ZSCAN5A: variants seen among roughly 807,000 people sequenced by gnomAD.
ZSCAN5A encodes zinc finger and SCAN domain-containing protein 5A.
In ZSCAN5A, 12 loss-of-function variants were observed where a neutral mutation model predicts 23.7. That is an observed-to-expected ratio of 0.51 (90% CI 0.32 to 0.82). The LOEUF (loss-of-function observed/expected upper bound fraction) is 0.82, where lower values mean the gene tolerates loss of function less well. ZSCAN5A is among the 40% of genes least tolerant of loss of function. ZSCAN5A has a pLI of 0.03. For synonymous variants in ZSCAN5A, 257 were observed against 239.9 expected (o/e 1.07, Z -0.66); for missense variants, 597 against 617.9 (o/e 0.97, Z 0.36).
At chr19:56,321,936 T>A (rs1398081052) in intron 2 of ZSCAN5A, 1 of 781,292 alleles carries the variant, frequency 1.3e-6, no homozygotes, top group Admixed American at 1.7e-5. Flanking sequence ...AACTTCATCA[T>A]GGCCTTCTGA....
intron 2 of ZSCAN5A, among the ~76,000 whole-genome samples, chr19:56,344,987 C>G (rs993798656): frequency 1.3e-5 from 2 of 149,902 alleles, no homozygotes; most frequent in Admixed American, 1.3e-4. Flanking sequence ...CACCTGTAGT[C>G]CCAGCTACTC....
intron 2 of ZSCAN5A, among the ~76,000 whole-genome samples, chr19:56,350,855 GTTTT>G (rs2041663291): frequency 1.3e-5 from 2 of 151,612 alleles, no homozygotes; most frequent in African/African-American, 4.9e-5. Flanking sequence ...ATTAAATAAT[GTTTT>G]ATTTAATAAA....
intron 2 of ZSCAN5A, among the ~76,000 whole-genome samples, chr19:56,346,376 C>G (rs8107120): frequency 0.32 from 48,846 of 151,920 alleles, 12,308 homozygotes; most frequent in African/African-American, 0.7. Context: ...ATCTAGGGAT[C>G]ATGGGTCACA....
intron 2 of ZSCAN5A, among the ~76,000 whole-genome samples, chr19:56,231,996 C>CTTTCTTTTT (rs756356708): frequency 0.029 from 3,618 of 124,958 alleles, 237 homozygotes; most frequent in African/African-American, 0.1. Flanking sequence ...TTTTTCTTTT[C>CTTTCTTTTT]TTTTTTTTTG....
chr19:56,321,963 C>T, intron 2 of ZSCAN5A: 2 of 780,582 alleles, frequency 2.6e-6, no homozygotes, highest in Non-Finnish European at 4.8e-6. Flanking sequence ...CTCACACCAC[C>T]ATGGATCAAA....
chr19:56,291,830 C>T (rs1257291728), intron 2 of ZSCAN5A, among the ~76,000 whole-genome samples: 4 of 152,104 alleles, frequency 2.6e-5, no homozygotes, highest in African/African-American at 9.7e-5. Context: ...CCAATCCCTC[C>T]TCGAATCAGG....
rs762607046 is a variant in ZSCAN5A, at chr19:56,222,161, G to A, written c.905C>T (p.Pro302Leu). Reference protein sequence around the residue: ...LNLSSPKRSKPDASSISQEEP... With the variant: ...LNLSSPKRSKLDASSISQEEP... ...TTCTTGGGAAATGGAGGAGGCATCTGGTTTGCTTCTTTTGGGACTGCTCAG... is the reference window on the plus strand; with the variant it reads ...TTCTTGGGAAATGGAGGAGGCATCTAGTTTGCTTCTTTTGGGACTGCTCAG... The change falls in exon 6 of 6, where the codon CCA (proline) becomes CTA (leucine). Residue 302 changes from proline (P) to leucine (L), a missense_variant. Physicochemically the swap from Pro to Leu is moderately conservative, Grantham distance 98 (BLOSUM62 -3). Around this residue, in one of 5 missense-constraint regions of ZSCAN5A, gnomAD observed 406 missense variants for 353.2 expected, o/e 1.15. Transcript: ENST00000683990. The A allele has an allele frequency of 5.0e-6, 8 of 1,614,064 alleles. No individual in the cohort carries two copies. The highest frequency in any genetic ancestry group is 6.8e-6 in the Non-Finnish European group (8 of 1,180,030).
chr19:56,242,577 A>T (rs2035512862), intron 2 of ZSCAN5A, among the ~76,000 whole-genome samples: 1 of 151,814 alleles, frequency 6.6e-6, no homozygotes, highest in South Asian at 2.1e-4. Flanking sequence ...GATTCCAGTG[A>T]CCTTTCCCGA....
chr19:56,319,676 T>C (rs2041354734), upstream of ZSCAN5A: 1 of 575,860 alleles, frequency 1.7e-6, no homozygotes, highest in African/African-American at 1.9e-5. Context: ...AAAGTGTGCT[T>C]TTCTTTGTCC....
intron 2 of ZSCAN5A, among the ~76,000 whole-genome samples, chr19:56,247,723 G>T (rs2036036814): frequency 6.6e-6 from 1 of 152,090 alleles, no homozygotes; most frequent in South Asian, 2.1e-4. Flanking sequence ...ACGGAGTCTT[G>T]TTCTGTCACC....
intron 2 of ZSCAN5A, among the ~76,000 whole-genome samples, chr19:56,268,438 ATGCTGCTGC>A (rs376972677): frequency 6.6e-6 from 1 of 152,136 alleles, no homozygotes; most frequent in Non-Finnish European, 1.5e-5. Flanking sequence ...GAAGCCTCAG[ATGCTGCTGC>A]TGCTGCTGCT....
chr19:56,250,159 T>G (rs1165898139), intron 2 of ZSCAN5A, among the ~76,000 whole-genome samples: 1 of 151,824 alleles, frequency 6.6e-6, no homozygotes, highest in East Asian at 1.9e-4. Context: ...CCTGAGAGAG[T>G]GGATTTAAGG....
At chr19:56,348,049 GC>G (rs2041645661) in intron 2 of ZSCAN5A, 1 of 152,228 alleles carries the variant, frequency 6.6e-6, no homozygotes, top group African/African-American at 2.4e-5. Flanking sequence ...AGATGGAATT[GC>G]CCCCAGAGGC....
intron 2 of ZSCAN5A, among the ~76,000 whole-genome samples, chr19:56,329,350 GA>G (rs2041468742): frequency 6.6e-6 from 1 of 151,708 alleles, no homozygotes; most frequent in Non-Finnish European, 1.5e-5. Context: ...CTCTGTCTCA[GA>G]AAACAAAAAC....
rs1208472548 is a variant in ZSCAN5A at position 56,222,329 on chromosome 19, GGAA to G, written c.740-6_740-4del. 2 of 1,609,644 alleles carry G rather than the reference GGAA, an allele frequency of 1.2e-6. No homozygotes were observed. Among genetic ancestry groups the G allele is most frequent in the South Asian group, 1.1e-5 (1 of 91,026 alleles). ...CTCCTTTGCTCTCACCAGATCTGCTGGAAGAAGGGATTCCACACACACAGTTAA... is the reference window on the plus strand; with the variant it reads ...CTCCTTTGCTCTCACCAGATCTGCTGGAAGGGATTCCACACACACAGTTAA... On this transcript the variant is annotated splice_polypyrimidine_tract_variant and splice_region_variant and intron_variant, in intron 5 of 5. Transcript: ENST00000683990.
chr19:56,284,222 CT>C, intron 2 of ZSCAN5A: 1 of 978,498 alleles, frequency 1.0e-6, no homozygotes, highest in Non-Finnish European at 1.2e-6. Flanking sequence ...TACCTTGCCA[CT>C]TCACAATGCC....
At position 56,344,924 on chromosome 19, in the gene ZSCAN5A, A is replaced by G. The variant is rs1568761615; in HGVS notation, c.-358+18311T>C. On this transcript the variant is annotated intron_variant, in intron 2 of 6. Coordinates refer to the ZSCAN5A transcript ENST00000587340. The stretch of plus-strand genomic sequence containing the variant: ...GACTCCGTCTCAAAAAAAAAAAAAA[A>G]AAAAAAAAAAAGAAAAAAAAGATAC... Among the ~76,000 whole-genome samples, 5 of 147,014 alleles carry G rather than the reference A, an allele frequency of 3.4e-5. 1 individual carries two copies. The highest frequency in any genetic ancestry group is 1.3e-4 in the Admixed American group (2 of 14,834).
At chr19:56,316,377 C>T (rs138298237), upstream of ZSCAN5A, 2 of 152,484 alleles carry the variant, frequency 1.3e-5, no homozygotes, top group East Asian at 3.8e-4. Flanking sequence ...CTACCCAATG[C>T]CCTTATTGTG....
chr19:56,301,273 G>A (rs555595653), intron 2 of ZSCAN5A, among the ~76,000 whole-genome samples: 1 of 152,250 alleles, frequency 6.6e-6, no homozygotes, highest in South Asian at 2.1e-4. Flanking sequence ...AACAAGGGGT[G>A]GATTATTTAT....
Sources: allele counts gnomAD v4.1 joint callset (sites outside exome capture counted in the v4.1 genomes callset), GRCh38; gene constraint gnomAD v4.1.1; regional missense constraint gnomAD v4.1.1; transcripts MANE v1.5; gene names NCBI Gene and HGNC (gene_info 2026-07-23, HGNC 2026-07-21).